The following UGT2A1 variants were observed in gnomAD, a reference collection of about 807,000 sequenced individuals.
UGT2A1 encodes UDP glucuronosyltransferase family 2 member A1 complex locus.
Under a neutral mutation model 45.4 loss-of-function variants are expected in UGT2A1, and 61 were observed. The ratio of observed to expected loss-of-function variants is 1.34; its 90% CI spans 1.09 to 1.66. The LOEUF is 1.66. Ranked by LOEUF, UGT2A1 falls within the 40% of genes most tolerant of loss-of-function variation. UGT2A1 has a pLI of 0.00. For synonymous variants in UGT2A1, 229 were observed against 196.2 expected, an observed-to-expected ratio of 1.17 and a Z score of -1.40; for missense variants, 649 against 574.3, an observed-to-expected ratio of 1.13 and a Z score of -1.33.
In UGT2A1 at chr4:69,606,554, T is replaced by A. The variant is rs1490150705; in HGVS notation, c.848-7160A>T. ...CTCTCACCACTCCTATTCAACATAG[T>A]GTTGGAAGTTCTGGCCAGTGCAATC... On this transcript the variant is annotated intron_variant, in intron 3 of 6. Transcript: ENST00000286604. 1.7e-4 allele frequency among the ~76,000 whole-genome samples: 23 copies of A among 136,202 alleles called. 7 individuals carry two copies. Among genetic ancestry groups the A allele is most frequent in the African/African-American group, 6.0e-4 (20 of 33,458 alleles). The allele number at this position is 136,202 out of a possible 152,430, so 89.4% of individuals were successfully genotyped here.
intron 3 of UGT2A1, chr4:69,599,670 G>T: frequency 6.4e-6 from 2 of 312,908 alleles, no homozygotes; most frequent in Non-Finnish European, 5.7e-6. Context: ...GTGAGAAAAA[G>T]GGAAGAAAGA....
intron 4 of UGT2A1, among the ~76,000 whole-genome samples, chr4:69,598,364 G>T (rs1211896290): frequency 6.6e-6 from 1 of 152,024 alleles, no homozygotes; most frequent in African/African-American, 2.4e-5. Flanking sequence ...TAAATACATT[G>T]TTCCTACCAT....
intron 3 of UGT2A1, among the ~76,000 whole-genome samples, chr4:69,623,394 C>T (rs1449677916): frequency 1.3e-5 from 2 of 151,660 alleles, no homozygotes; most frequent in Non-Finnish European, 2.9e-5. Context: ...CTCGAAGTAA[C>T]ACCACAAAGG....
chr4:69,607,171 C>T (rs577493088), intron 3 of UGT2A1, among the ~76,000 whole-genome samples: 1 of 130,378 alleles, frequency 7.7e-6, no homozygotes, highest in East Asian at 2.0e-4. Context: ...TCAAACTATA[C>T]TGCAAGGCTA....
At chr4:69,645,023 G>A (rs1303037273) in intron 2 of UGT2A1, among the ~76,000 whole-genome samples, 1 of 151,716 alleles carries the variant, frequency 6.6e-6, no homozygotes, top group Non-Finnish European at 1.5e-5. Context: ...TTTACACAGT[G>A]CACTTCGTCA....
At chr4:69,637,078 T>C (rs1577999358) in intron 2 of UGT2A1, among the ~76,000 whole-genome samples, 2 of 152,162 alleles carry the variant, frequency 1.3e-5, no homozygotes, top group Non-Finnish European at 2.9e-5. Context: ...ACATTTCAAA[T>C]GTCTTGAGAC....
At position 69,599,940 on chromosome 4, in the gene UGT2A1, A is replaced by T. The variant is rs1405810147; in HGVS notation, c.848-546T>A. Among the ~76,000 whole-genome samples the T allele has an allele frequency of 2.0e-5, 3 of 152,348 alleles. No individual in the cohort carries two copies. In the East Asian group the frequency reaches 5.8e-4, roughly 29 times the overall value. On this transcript the variant is annotated intron_variant, in intron 3 of 6. Transcript: ENST00000286604. ...GCCAGATAAGTTTCTTCCCCAGGAC[A>T]GCAAATCAGAGGCATTGCTAGCATG...
At chr4:69,650,655 T>A (rs1323847528) in intron 1 of UGT2A1, among the ~76,000 whole-genome samples, 1 of 152,104 alleles carries the variant, frequency 6.6e-6, no homozygotes, top group African/African-American at 2.4e-5. Flanking sequence ...AACTATATAT[T>A]TAAATAGATA....
intron 6 of UGT2A1, among the ~76,000 whole-genome samples, chr4:69,590,613 C>T (rs1718534173): frequency 2.0e-5 from 3 of 150,962 alleles, no homozygotes; most frequent in African/African-American, 7.3e-5. Context: ...CTAGATTCAG[C>T]AGCAGGAGTA....
chr4:69,608,248 T>G (rs1271906843), intron 3 of UGT2A1, among the ~76,000 whole-genome samples: 8 of 152,152 alleles, frequency 5.3e-5, no homozygotes, highest in Non-Finnish European at 7.4e-5. Flanking sequence ...CCATAAAAAA[T>G]GATGAGTTCA....
Position 69,606,247 on chromosome 4 carries a change from T to A in UGT2A1, c.848-6853A>T, listed in dbSNP as rs145077869. Among the ~76,000 whole-genome samples, 2 of 135,344 alleles carry A rather than the reference T, an allele frequency of 1.5e-5. 1 individual carries two copies. The highest frequency in any genetic ancestry group is 3.1e-5 in the Non-Finnish European group (2 of 63,952). The allele number at this position is 135,344 out of a possible 152,430, so 88.8% of individuals were successfully genotyped here. On this transcript the variant is annotated intron_variant, in intron 3 of 6. Transcript: ENST00000286604. The stretch of plus-strand genomic sequence containing the variant: ...ACCATGATCAAGTGGGCTTCATCCC[T>A]GGGACGCAAGGCTGGGTCAACATAC...
intron 6 of UGT2A1, among the ~76,000 whole-genome samples, chr4:69,592,423 C>T (rs1718645417): frequency 6.6e-6 from 1 of 151,870 alleles, no homozygotes; most frequent in Non-Finnish European, 1.5e-5. Context: ...TTAGGTATTG[C>T]ATATAGTCCA....
intron 3 of UGT2A1, among the ~76,000 whole-genome samples, chr4:69,608,721 G>A (rs1719838238): frequency 6.6e-6 from 1 of 152,142 alleles, no homozygotes; most frequent in East Asian, 1.9e-4. Flanking sequence ...TAGAGACAGA[G>A]CTTCACTCTT....
chr4:69,646,955 C>T lies in UGT2A1; in HGVS notation c.690G>A (p.Trp230Ter), dbSNP rs747347242. ...CTAAAGCTTTACTATAGTATGAATC[C>T]CATGATTTCCAAAGAGTTTCAAACA... is the stretch of plus-strand genomic sequence containing the variant. ...DYMFETLWKS[W>*]DSYYSKALGG... Residue 230 changes from tryptophan (W) to a stop codon, truncating the protein, a stop_gained, in exon 2 of 7, where the codon TGG becomes TGA. Transcript: ENST00000286604. LOFTEE classifies it high-confidence loss of function. The T allele has an allele frequency of 2.5e-6, 4 of 1,595,904 alleles. No individual in the cohort carries two copies. The highest frequency in any genetic ancestry group is 1.8e-5 in the Admixed American group (1 of 57,112).
chr4:69,634,140 G>C (rs1354814710), intron 3 of UGT2A1, among the ~76,000 whole-genome samples: 1 of 152,036 alleles, frequency 6.6e-6, no homozygotes, highest in African/African-American at 2.4e-5. Flanking sequence ...AGCTACTCCG[G>C]AGGCTGAGGC....
chr4:69,611,125 T>G (rs1720013055), intron 3 of UGT2A1, among the ~76,000 whole-genome samples: 2 of 151,372 alleles, frequency 1.3e-5, no homozygotes, highest in African/African-American at 2.4e-5. Flanking sequence ...AAAAAAGAAA[T>G]CTACTGTTTT....
At chr4:69,641,459 A>G (rs1722044469) in intron 2 of UGT2A1, among the ~76,000 whole-genome samples, 1 of 151,612 alleles carries the variant, frequency 6.6e-6, no homozygotes, top group Non-Finnish European at 1.5e-5. Context: ...TGAATATTGC[A>G]CCTGATGGCT....
At chr4:69,620,315 C>T (rs990332449) in intron 3 of UGT2A1, among the ~76,000 whole-genome samples, 3 of 142,620 alleles carry the variant, frequency 2.1e-5, no homozygotes, top group Admixed American at 2.1e-4. Context: ...CTACAAAAAT[C>T]ACTGCCATTC....
chr4:69,648,331 GAATAA>G (rs1241376426), intron 1 of UGT2A1, among the ~76,000 whole-genome samples: 3 of 150,954 alleles, frequency 2.0e-5, no homozygotes, highest in African/African-American at 7.3e-5. Context: ...ATAAATAAAT[GAATAA>G]AATAAAATAT....
Sources: allele counts gnomAD v4.1 joint callset (sites outside exome capture counted in the v4.1 genomes callset), GRCh38; gene constraint gnomAD v4.1.1; transcripts MANE v1.5; gene names NCBI Gene and HGNC (gene_info 2026-07-23, HGNC 2026-07-21).